PCBD2: variants seen among roughly 807,000 people sequenced by gnomAD.
PCBD2 encodes the protein pterin-4 alpha-carbinolamine dehydratase 2.
PCBD2 carries 12 observed loss-of-function variants against 16.4 expected under a neutral mutation model. The observed-to-expected ratio is 0.73, with a 90% confidence interval of 0.47 to 1.19. The LOEUF is 1.19. PCBD2 is among the 50% of genes most tolerant of loss of function. The probability of loss-of-function intolerance (pLI) is 0.00; values close to 1 mark genes in which losing one functional copy is unlikely to be tolerated. For synonymous variants in PCBD2, 58 were observed against 61.8 expected (o/e 0.94, Z 0.29); for missense variants, 138 against 156.8 (o/e 0.88, Z 0.64).
chr5:134,927,681 T>G, intron 2 of PCBD2: 1 of 398,298 alleles, frequency 2.5e-6, no homozygotes, highest in Non-Finnish European at 4.4e-6. Context: ...GAAGAAGATA[T>G]AAAATATGAT....
At chr5:134,945,244 C>G (rs549781438) in intron 2 of PCBD2, among the ~76,000 whole-genome samples, 5 of 152,250 alleles carry the variant, frequency 3.3e-5, no homozygotes, top group Non-Finnish European at 7.4e-5. Flanking sequence ...CATGACTTTC[C>G]TCTGATGGGA....
intron 2 of PCBD2, 46 bp from the exon 3 acceptor site, chr5:134,958,994 G>A (rs1249039328): frequency 6.8e-7 from 1 of 1,468,394 alleles, no homozygotes; most frequent in South Asian, 1.1e-5. Flanking sequence ...TCAGGCTTAG[G>A]GTAGAGGACA....
At chr5:134,914,292 A>G (rs1190433786) in intron 2 of PCBD2, among the ~76,000 whole-genome samples, 1 of 152,158 alleles carries the variant, frequency 6.6e-6, no homozygotes, top group East Asian at 1.9e-4. Flanking sequence ...GTGGAAGGGA[A>G]GAGTGTTGGA....
At chr5:134,924,699 A>G (rs5016141) in intron 2 of PCBD2, 3 of 395,820 alleles carry the variant, frequency 7.6e-6, no homozygotes, top group Admixed American at 4.4e-5. Flanking sequence ...AAGAGAGGAA[A>G]TAAAGTTTGA....
intron 2 of PCBD2, among the ~76,000 whole-genome samples, chr5:134,953,954 TTTAA>T (rs945388462): frequency 6.6e-5 from 10 of 152,190 alleles, no homozygotes; most frequent in African/African-American, 1.9e-4. Flanking sequence ...AGTGCTTATG[TTTAA>T]TTAATTAATT....
At chr5:134,924,373 C>T in intron 2 of PCBD2, 1 of 395,400 alleles carries the variant, frequency 2.5e-6, no homozygotes, top group Non-Finnish European at 4.5e-6. Flanking sequence ...GCATGGGGGT[C>T]AGGGGTTGAG....
chr5:134,914,906 C>A (rs78165052), intron 2 of PCBD2, among the ~76,000 whole-genome samples: 1 of 152,064 alleles, frequency 6.6e-6, no homozygotes. Flanking sequence ...TTCCTGACCT[C>A]AGGTGATCTG....
At chr5:134,957,551 C>T (rs895678283) in intron 2 of PCBD2, among the ~76,000 whole-genome samples, 4 of 152,200 alleles carry the variant, frequency 2.6e-5, no homozygotes, top group African/African-American at 9.7e-5. Context: ...CCTGTAGTCC[C>T]AGCTCCTTGG....
At chr5:134,910,001 C>T (rs985973880) in intron 1 of PCBD2, among the ~76,000 whole-genome samples, 8 of 152,140 alleles carry the variant, frequency 5.3e-5, no homozygotes, top group African/African-American at 1.7e-4. Flanking sequence ...GCCCAGGAGG[C>T]GGAGGTTGCA....
At chr5:134,933,210 A>T (rs1204340453) in intron 2 of PCBD2, among the ~76,000 whole-genome samples, 1 of 152,132 alleles carries the variant, frequency 6.6e-6, no homozygotes, top group Admixed American at 6.5e-5. Flanking sequence ...GAATATTTTC[A>T]CATCAGTAAA....
chr5:134,916,655 G>A (rs1750836737), intron 2 of PCBD2, among the ~76,000 whole-genome samples: 1 of 152,202 alleles, frequency 6.6e-6, no homozygotes, highest in Admixed American at 6.5e-5. Flanking sequence ...TTTATTCTAA[G>A]GTATGGTTAG....
chr5:134,926,436 G>T, intron 2 of PCBD2: 1 of 392,620 alleles, frequency 2.5e-6, no homozygotes, highest in South Asian at 1.4e-4. Context: ...GGGCTAGGGT[G>T]GGTATAGTAG....
chr5:134,928,812 A>G (rs1167047483), intron 2 of PCBD2, among the ~76,000 whole-genome samples: 4 of 152,190 alleles, frequency 2.6e-5, no homozygotes, highest in African/African-American at 7.2e-5. Flanking sequence ...CCTAGGCAAC[A>G]TGACTCCCAG....
intron 2 of PCBD2, among the ~76,000 whole-genome samples, chr5:134,922,493 A>G (rs17167693): frequency 0.058 from 8,796 of 152,258 alleles, 513 homozygotes; most frequent in African/African-American, 0.16. Context: ...AACAGTTATC[A>G]AACACTTACT....
chr5:134,921,413 T>G (rs1750901919), intron 2 of PCBD2, among the ~76,000 whole-genome samples: 1 of 151,970 alleles, frequency 6.6e-6, no homozygotes. Flanking sequence ...ATCTGGTATG[T>G]GGTTGTAAGG....
intron 2 of PCBD2, among the ~76,000 whole-genome samples, chr5:134,917,834 C>T (rs1454873423): frequency 2.0e-5 from 3 of 152,148 alleles, no homozygotes; most frequent in African/African-American, 7.2e-5. Context: ...TTTCCTGTGT[C>T]CACAGAGACT....
intron 2 of PCBD2, among the ~76,000 whole-genome samples, chr5:134,935,441 C>T (rs1751148015): frequency 6.6e-6 from 1 of 152,182 alleles, no homozygotes; most frequent in Admixed American, 6.5e-5. Flanking sequence ...GATTTGCACA[C>T]CTGCAGTTAT....
At chr5:134,931,903 G>C (rs991816337) in intron 2 of PCBD2, among the ~76,000 whole-genome samples, 32 of 152,326 alleles carry the variant, frequency 2.1e-4, no homozygotes, top group African/African-American at 7.5e-4. Context: ...ATTGCTACAT[G>C]GTTCCCTATG....
At chr5:134,947,389 A>ATTTTTTTT (rs1220114582) in intron 2 of PCBD2, among the ~76,000 whole-genome samples, 1 of 103,066 alleles carries the variant, frequency 9.7e-6, no homozygotes. Context: ...CCCGGCCTCA[A>ATTTTTTTT]TTTTTTTTTT....
Sources: allele counts gnomAD v4.1 joint callset (sites outside exome capture counted in the v4.1 genomes callset), GRCh38; gene constraint gnomAD v4.1.1; transcripts MANE v1.5; gene names NCBI Gene and HGNC (gene_info 2026-07-23, HGNC 2026-07-21).